IKZF1: variants seen among roughly 807,000 people sequenced by gnomAD.
IKZF1 encodes the protein DNA-binding protein Ikaros.
IKZF1 carries 10 observed loss-of-function variants against 51.7 expected under a neutral mutation model. The ratio of observed to expected loss-of-function variants is 0.19; its 90% CI spans 0.12 to 0.33. IKZF1 has a LOEUF of 0.33. Among genes scored for constraint, IKZF1 ranks in the 10% least tolerant of loss-of-function variants. The pLI, the probability that IKZF1 is intolerant of heterozygous loss-of-function variation, is 1.00. For missense variants in IKZF1, 484 were observed against 707.5 expected (o/e 0.68, Z 3.58); for synonymous variants, 280 against 282.3 (o/e 0.99, Z 0.08).
chr7:50,385,959 C>T (rs1048051365), intron 5 of IKZF1, among the ~76,000 whole-genome samples: 1 of 152,208 alleles, frequency 6.6e-6, no homozygotes, highest in Non-Finnish European at 1.5e-5. Context: ...AGCTTCTGTT[C>T]ACCTAAGAAA....
chr7:50,329,681 C>G (rs1437678881), intron 3 of IKZF1, among the ~76,000 whole-genome samples: 2 of 152,218 alleles, frequency 1.3e-5, no homozygotes, highest in African/African-American at 4.8e-5. Context: ...GGGTACTGTT[C>G]TTCCTGCTTA....
At chr7:50,313,771 A>G (rs569073371) in intron 1 of IKZF1, among the ~76,000 whole-genome samples, 100 of 152,342 alleles carry the variant, frequency 6.6e-4, no homozygotes, top group African/African-American at 2.4e-3. Context: ...ACATTTACAT[A>G]TTTAGCAAGT....
chr7:50,368,692 A>C, intron 3 of IKZF1: 3 of 278,220 alleles, frequency 1.1e-5, no homozygotes, highest in Non-Finnish European at 2.0e-5. Context: ...GATAAATGAT[A>C]AATATATTTG....
chr7:50,398,669 CT>C (rs1817341661), intron 7 of IKZF1, among the ~76,000 whole-genome samples: 1 of 152,234 alleles, frequency 6.6e-6, no homozygotes, highest in South Asian at 2.1e-4. Flanking sequence ...ACCATTCTCA[CT>C]TACTCACTGT....
chr7:50,331,190 G>A (rs960247924), intron 3 of IKZF1, among the ~76,000 whole-genome samples: 17 of 152,118 alleles, frequency 1.1e-4, no homozygotes, highest in Admixed American at 3.3e-4. Context: ...TGAAGCTATC[G>A]TAGCTTCACT....
intron 3 of IKZF1, among the ~76,000 whole-genome samples, chr7:50,348,714 A>C (rs2153427268): frequency 6.6e-6 from 1 of 152,350 alleles, no homozygotes; most frequent in South Asian, 2.1e-4. Flanking sequence ...ACAAGGCAGC[A>C]CTTGAGATGG....
intron 5 of IKZF1, among the ~76,000 whole-genome samples, 183 bp from the exon 6 acceptor site, chr7:50,387,162 A>G (rs151287572): frequency 2.0e-5 from 3 of 152,370 alleles, no homozygotes; most frequent in Admixed American, 2.0e-4. Context: ...TGGTACAATT[A>G]AAGAAACCCT....
chr7:50,383,587 T>G (rs973353634), intron 5 of IKZF1, among the ~76,000 whole-genome samples: 3 of 152,126 alleles, frequency 2.0e-5, no homozygotes, highest in Non-Finnish European at 4.4e-5. Context: ...TACCGTCCAG[T>G]TGGGGATATT....
chr7:50,384,254 T>G (rs1180077331), intron 5 of IKZF1, among the ~76,000 whole-genome samples: 4 of 152,206 alleles, frequency 2.6e-5, no homozygotes, highest in African/African-American at 9.6e-5. Context: ...TGGCAGGTGG[T>G]CCCTGCAGTA....
chr7:50,347,727 G>A (rs1199447591), intron 3 of IKZF1, among the ~76,000 whole-genome samples: 1 of 152,174 alleles, frequency 6.6e-6, no homozygotes, highest in Non-Finnish European at 1.5e-5. Context: ...AATTCCTGGA[G>A]CTCAGTTTAC....
At chr7:50,342,361 TG>T (rs1455470453) in intron 3 of IKZF1, among the ~76,000 whole-genome samples, 1 of 152,242 alleles carries the variant, frequency 6.6e-6, no homozygotes, top group Non-Finnish European at 1.5e-5. Context: ...ATTTAATTTT[TG>T]TCTTCATCCC....
Position 50,376,687 on chromosome 7 carries a change from G to A in IKZF1, c.315G>A (p.Ser105=), listed in dbSNP as rs764780164. Residue 105 remains serine, a synonymous_variant, in exon 4 of 8, where the codon TCG becomes TCA. Transcript: ENST00000331340. The surrounding 1 kb of genome is among the most constrained non-coding windows in gnomAD (Gnocchi z 4.5). Reference sequence around the variant, plus strand: ...GGGACCAAGGCAGCTCGGCTTTGTCGGGAGTTGGAGGCATTCGACTTCCTA... The same window carrying A: ...GGGACCAAGGCAGCTCGGCTTTGTCAGGAGTTGGAGGCATTCGACTTCCTA... The part of the protein sequence containing the change: ...SHRDQGSSAL[S]GVGGIRLPNG... 2.0e-5 allele frequency: 32 copies of A among 1,613,800 alleles called. No individual in the cohort carries two copies. In the Admixed American group the frequency reaches 2.8e-4, roughly 14 times the overall value.
At position 50,403,902 on chromosome 7, in the gene IKZF1, A is replaced by G; in HGVS notation, c.*3275A>G. On this transcript the variant is annotated 3_prime_UTR_variant, in exon 8 of 8. Coordinates refer to ENST00000331340, the MANE Select transcript of IKZF1 (RefSeq NM_006060.6). ...AACAAACGCGAGATGAACTGGACTTATGTAGACAAATCGTGATGCCAGTGT... is the reference window on the plus strand; with the variant it reads ...AACAAACGCGAGATGAACTGGACTTGTGTAGACAAATCGTGATGCCAGTGT... The G allele has an allele frequency of 4.6e-6, 1 of 217,968 alleles. No individual in the cohort carries two copies. The highest frequency in any genetic ancestry group is 9.2e-6 in the Non-Finnish European group (1 of 108,172). 13.5% of individuals were successfully genotyped at this position (217,968 alleles called of 1,614,324 possible).
intron 2 of IKZF1, among the ~76,000 whole-genome samples, chr7:50,324,688 G>A (rs1367431435): frequency 6.6e-6 from 1 of 152,214 alleles, no homozygotes; most frequent in Non-Finnish European, 1.5e-5. Flanking sequence ...TTCTTAAGAA[G>A]CGTACCTGTT....
chr7:50,363,550 C>T (rs971634137), intron 3 of IKZF1, among the ~76,000 whole-genome samples: 1 of 152,216 alleles, frequency 6.6e-6, no homozygotes, highest in Non-Finnish European at 1.5e-5. Flanking sequence ...CTCTGTGTCC[C>T]TGGGTCCCAC....
chr7:50,318,958 A>G, intron 1 of IKZF1, 90 bp from the exon 2 acceptor site: 1 of 770,304 alleles, frequency 1.3e-6, no homozygotes, highest in Non-Finnish European at 2.2e-6. Flanking sequence ...CCTTGTTGTT[A>G]AATAGCATAG....
At position 50,376,009 on chromosome 7, in the gene IKZF1, T is replaced by C. The variant is rs1810182411; in HGVS notation, c.161-524T>C. 6.6e-6 allele frequency among the ~76,000 whole-genome samples: 1 copy of C among 152,246 alleles called. No homozygotes were observed. Among genetic ancestry groups the C allele is most frequent in the African/African-American group, 2.4e-5 (1 of 41,470 alleles). On this transcript the variant is annotated intron_variant, in intron 3 of 7. Transcript: ENST00000331340. The surrounding 1 kb of genome is among the most constrained non-coding windows in gnomAD (Gnocchi z 4.5). ...TGAGTTTTGTCCCAAAGTTTATTAA[T>C]GTTTACATGCCACAAGGAAAGGTAG...
chr7:50,324,803 G>A (rs1381872847), intron 2 of IKZF1, among the ~76,000 whole-genome samples: 3 of 152,096 alleles, frequency 2.0e-5, no homozygotes, highest in Admixed American at 2.0e-4. Context: ...ATGTATTTTA[G>A]CATGCACTGA....
At chr7:50,374,735 T>A (rs1403140275) in intron 3 of IKZF1, among the ~76,000 whole-genome samples, 1 of 152,170 alleles carries the variant, frequency 6.6e-6, no homozygotes, top group Non-Finnish European at 1.5e-5. Context: ...ATAATTTCCA[T>A]TTTCATGGAT....
Sources: allele counts gnomAD v4.1 joint callset (sites outside exome capture counted in the v4.1 genomes callset), GRCh38; gene constraint gnomAD v4.1.1; non-coding constraint Gnocchi (gnomAD v3.1); transcripts MANE v1.5; gene names NCBI Gene and HGNC (gene_info 2026-07-23, HGNC 2026-07-21).